PHTF2: variants seen among roughly 807,000 people sequenced by gnomAD.
PHTF2 encodes protein PHTF2.
Under a neutral mutation model 101.2 loss-of-function variants are expected in PHTF2, and 60 were observed. The observed-to-expected ratio is 0.59, with a 90% CI of 0.48 to 0.73. PHTF2 has a LOEUF of 0.73. Ranked by LOEUF, PHTF2 falls within the 30% of genes least tolerant of loss-of-function variation. PHTF2 has a pLI of 0.00. For missense variants in PHTF2, 747 were observed against 908.7 expected, an observed-to-expected ratio of 0.82 and a Z score of 2.29; for synonymous variants, 311 against 307.3, an observed-to-expected ratio of 1.01 and a Z score of -0.13.
exon 11 of PHTF2, chr7:77,922,770 C>G: frequency 6.3e-7 from 1 of 1,588,350 alleles, no homozygotes; most frequent in Non-Finnish European, 8.6e-7. Flanking sequence ...GAAACATTAC[C>G]CTAATGAGGT....
intron 7 of PHTF2, among the ~76,000 whole-genome samples, chr7:77,905,850 T>G (rs181211895): frequency 1.2e-4 from 19 of 152,354 alleles, no homozygotes; most frequent in Middle Eastern, 3.4e-3. Flanking sequence ...TTGAAATATT[T>G]GTGCCCAACA....
chr7:77,855,413 C>G (rs1797097221), intron 3 of PHTF2, among the ~76,000 whole-genome samples: 1 of 152,180 alleles, frequency 6.6e-6, no homozygotes, highest in African/African-American at 2.4e-5. Context: ...GGAGTCTCTC[C>G]CAGAGCTGTG....
intron 3 of PHTF2, among the ~76,000 whole-genome samples, chr7:77,890,021 C>T (rs181857635): frequency 0.029 from 3,215 of 111,196 alleles, 59 homozygotes; most frequent in Middle Eastern, 0.043. Flanking sequence ...AATTAAGACG[C>T]GCCCCCCCCC....
chr7:77,893,714 TATTA>T, intron 4 of PHTF2, 50 bp downstream of exon 3: 1 of 759,848 alleles, frequency 1.3e-6, no homozygotes, highest in Non-Finnish European at 2.2e-6. Flanking sequence ...TTCTATGAAT[TATTA>T]ATTACATTTT....
chr7:77,897,995 T>C (rs552501509), intron 5 of PHTF2, among the ~76,000 whole-genome samples: 37 of 151,886 alleles, frequency 2.4e-4, no homozygotes, highest in African/African-American at 8.2e-4. Flanking sequence ...TGTTTTTTTT[T>C]TTTTTCTTTT....
At chr7:77,871,234 A>T (rs1281876572) in intron 3 of PHTF2, among the ~76,000 whole-genome samples, 1 of 151,842 alleles carries the variant, frequency 6.6e-6, no homozygotes, top group Non-Finnish European at 1.5e-5. Context: ...CCTTAATCAC[A>T]CGGCATGGTG....
intron 2 of PHTF2, among the ~76,000 whole-genome samples, chr7:77,844,077 A>G (rs1372195888): frequency 1.3e-5 from 2 of 152,216 alleles, no homozygotes; most frequent in African/African-American, 4.8e-5. Flanking sequence ...GGCTCACTGC[A>G]GCCTCGACCT....
chr7:77,912,661 G>GTA (rs149254572), intron 9 of PHTF2, among the ~76,000 whole-genome samples: 14,965 of 119,408 alleles, frequency 0.13, 1,044 homozygotes, highest in South Asian at 0.25. Flanking sequence ...TTCTATTTTT[G>GTA]TATATATATA....
At chr7:77,876,823 T>G (rs545356992) in intron 3 of PHTF2, among the ~76,000 whole-genome samples, 1 of 152,240 alleles carries the variant, frequency 6.6e-6, no homozygotes, top group Non-Finnish European at 1.5e-5. Flanking sequence ...GGAGGATCAC[T>G]GTGATTGCAC....
At chr7:77,852,086 C>T (rs1245237728) in intron 2 of PHTF2, among the ~76,000 whole-genome samples, 3 of 152,146 alleles carry the variant, frequency 2.0e-5, no homozygotes, top group Non-Finnish European at 4.4e-5. Context: ...AGTGCAGTGG[C>T]ACAATCATAA....
intron 1 of PHTF2, among the ~76,000 whole-genome samples, chr7:77,813,684 A>G (rs976689905): frequency 1.4e-4 from 22 of 152,254 alleles, no homozygotes; most frequent in African/African-American, 5.1e-4. Flanking sequence ...TACTTAGCTC[A>G]TCATTCTGGC....
At chr7:77,823,249 T>G (rs1373560654) in intron 1 of PHTF2, among the ~76,000 whole-genome samples, 1 of 147,896 alleles carries the variant, frequency 6.8e-6, no homozygotes, top group Non-Finnish European at 1.5e-5. Flanking sequence ...GGAGACGGAG[T>G]CTCGCTCTGT....
intron 2 of PHTF2, among the ~76,000 whole-genome samples, chr7:77,846,621 TCCCTCCCCTC>T (rs937807585): frequency 1.0e-5 from 1 of 99,650 alleles, no homozygotes; most frequent in South Asian, 4.5e-4. Flanking sequence ...CCCTTCCCCT[TCCCTCCCCTC>T]CCCTCCCCTT....
At chr7:77,806,118 T>C (rs908472785) in intron 1 of PHTF2, among the ~76,000 whole-genome samples, 5 of 151,510 alleles carry the variant, frequency 3.3e-5, no homozygotes, top group African/African-American at 1.2e-4. Flanking sequence ...AGGTGGAGGT[T>C]GCAGTGAGAT....
chr7:77,926,132 C>T (rs1336245397), intron 11 of PHTF2, among the ~76,000 whole-genome samples: 3 of 152,044 alleles, frequency 2.0e-5, no homozygotes, highest in Non-Finnish European at 4.4e-5. Context: ...TAGATATTTT[C>T]TTAATCCTGA....
chr7:77,801,222 T>G (rs1421168739), intron 1 of PHTF2, among the ~76,000 whole-genome samples: 3 of 152,224 alleles, frequency 2.0e-5, no homozygotes, highest in Non-Finnish European at 4.4e-5. Flanking sequence ...ACTGAAAATC[T>G]GAAATGCTCT....
intron 2 of PHTF2, among the ~76,000 whole-genome samples, chr7:77,843,470 C>T (rs752687145): frequency 1.1e-4 from 16 of 152,072 alleles, no homozygotes; most frequent in Non-Finnish European, 2.1e-4. Flanking sequence ...AGTCATGTCT[C>T]CCGGCTGCCA....
chr7:77,922,670 G>A, exon 11 of PHTF2: 1 of 1,610,630 alleles, frequency 6.2e-7, no homozygotes. Context: ...TCTCCAGTGA[G>A]GAAGGTCCTG....
At chr7:77,807,248 A>G (rs944400683) in intron 1 of PHTF2, among the ~76,000 whole-genome samples, 3 of 152,216 alleles carry the variant, frequency 2.0e-5, no homozygotes, top group Non-Finnish European at 4.4e-5. Flanking sequence ...GGATATATAC[A>G]CAGAAATGTG....
Sources: gnomAD v4.1 joint callset for allele counts (sites outside exome capture counted in the v4.1 genomes callset) on GRCh38, gnomAD v4.1.1 for gene constraint, MANE v1.5 for transcripts, NCBI Gene and HGNC (gene_info 2026-07-23, HGNC 2026-07-21) for gene names.